DNAH3: variants seen among roughly 807,000 people sequenced by gnomAD.
DNAH3 encodes the protein axonemal beta dynein heavy chain 3.
In DNAH3, 332 loss-of-function variants were observed where a neutral mutation model predicts 432.5. That is an observed-to-expected ratio of 0.77 (90% CI 0.70 to 0.84). The LOEUF (loss-of-function observed/expected upper bound fraction) is 0.84, where lower values mean the gene tolerates loss of function less well. Among genes scored for constraint, DNAH3 ranks in the 40% least tolerant of loss-of-function variants. DNAH3 has a pLI of 0.00. For synonymous variants in DNAH3, 1,956 were observed against 1,900.2 expected, an observed-to-expected ratio of 1.03 and a Z score of -0.76; for missense variants, 4,861 against 5,114.0, an observed-to-expected ratio of 0.95 and a Z score of 1.51.
At chr16:21,082,641 C>CA (rs2091229171) in intron 19 of DNAH3, among the ~76,000 whole-genome samples, 1 of 152,080 alleles carries the variant, frequency 6.6e-6, no homozygotes, top group Admixed American at 6.6e-5. Context: ...ACCAGCCTGT[C>CA]AAACAGGTGA....
chr16:20,935,876 A>C (rs527927461), intron 60 of DNAH3, among the ~76,000 whole-genome samples: 16 of 151,202 alleles, frequency 1.1e-4, no homozygotes, highest in Non-Finnish European at 2.2e-4. Flanking sequence ...GTGCAAGCTG[A>C]TATCAGGGAT....
At chr16:20,981,021 C>A (rs183608894) in intron 49 of DNAH3, among the ~76,000 whole-genome samples, 2 of 152,254 alleles carry the variant, frequency 1.3e-5, no homozygotes, top group East Asian at 3.9e-4. Context: ...TTCAACTAGG[C>A]CCATGAACCA....
At chr16:21,116,889 G>A (rs2092215935) in intron 12 of DNAH3, among the ~76,000 whole-genome samples, 1 of 152,198 alleles carries the variant, frequency 6.6e-6, no homozygotes, top group South Asian at 2.1e-4. Context: ...TACGCATTAT[G>A]TTACTTTTAT....
chr16:21,115,808 G>C (rs937980495), intron 12 of DNAH3, among the ~76,000 whole-genome samples: 3 of 151,928 alleles, frequency 2.0e-5, no homozygotes, highest in African/African-American at 7.3e-5. Flanking sequence ...AAGAGTCCAT[G>C]AATAGGGAAA....
At chr16:20,970,277 C>A (rs1471400120) in intron 51 of DNAH3, among the ~76,000 whole-genome samples, 1 of 152,226 alleles carries the variant, frequency 6.6e-6, no homozygotes, top group Non-Finnish European at 1.5e-5. Flanking sequence ...GTAATCCCAG[C>A]ACTTTGGGAG....
intron 18 of DNAH3, among the ~76,000 whole-genome samples, chr16:21,088,780 C>A (rs2091452533): frequency 6.6e-6 from 1 of 152,134 alleles, no homozygotes; most frequent in African/African-American, 2.4e-5. Flanking sequence ...TTAATAAATT[C>A]TAGGGTCCTG....
chr16:21,013,933 T>C (rs2087738880), intron 41 of DNAH3, among the ~76,000 whole-genome samples: 1 of 152,120 alleles, frequency 6.6e-6, no homozygotes. Flanking sequence ...AGAAATTTAA[T>C]CAACAATTAA....
intron 12 of DNAH3, among the ~76,000 whole-genome samples, chr16:21,112,299 A>T (rs1011322162): frequency 1.3e-5 from 2 of 152,208 alleles, no homozygotes; most frequent in African/African-American, 4.8e-5. Context: ...ACTTCCTAGC[A>T]GTGTAAACTT....
chr16:21,078,275 CAAAAAA>C (rs1202846920), intron 20 of DNAH3, among the ~76,000 whole-genome samples: 30 of 83,846 alleles, frequency 3.6e-4, no homozygotes, highest in African/African-American at 1.1e-3. Flanking sequence ...AATTCCGTCT[CAAAAAA>C]AAAAAAAAAA....
intron 6 of DNAH3, among the ~76,000 whole-genome samples, chr16:21,134,845 C>A (rs938163594): frequency 2.6e-5 from 4 of 152,106 alleles, no homozygotes; most frequent in African/African-American, 7.2e-5. Flanking sequence ...TGCCACCACA[C>A]CTGCCTAATT....
At chr16:20,987,140 A>G (rs1003091030) in intron 47 of DNAH3, among the ~76,000 whole-genome samples, 165 bp downstream of exon 47, 1 of 152,234 alleles carries the variant, frequency 6.6e-6, no homozygotes, top group African/African-American at 2.4e-5. Context: ...TGGACCAAGT[A>G]AAATATCACC....
chr16:21,088,694 A>G (rs1216650225), intron 18 of DNAH3, among the ~76,000 whole-genome samples: 1 of 152,212 alleles, frequency 6.6e-6, no homozygotes, highest in Admixed American at 6.5e-5. Flanking sequence ...AGGATGAGAC[A>G]GCAGGTGGAA....
At chr16:21,066,802 T>C (rs1320040494) in intron 24 of DNAH3, among the ~76,000 whole-genome samples, 1 of 152,230 alleles carries the variant, frequency 6.6e-6, no homozygotes, top group Non-Finnish European at 1.5e-5. Flanking sequence ...GACTGGTGTT[T>C]CTTAAACACA....
chr16:21,025,899 A>AT (rs1334712228), intron 38 of DNAH3, among the ~76,000 whole-genome samples: 1 of 151,562 alleles, frequency 6.6e-6, no homozygotes, highest in East Asian at 1.9e-4. Context: ...ATGCTTGGCT[A>AT]TTTTTTTGTA....
chr16:21,031,216 C>A, exon 37 of DNAH3: 3 of 1,614,138 alleles, frequency 1.9e-6, no homozygotes, highest in Non-Finnish European at 2.5e-6. Flanking sequence ...AGCACCCATA[C>A]AGCTGCCCCA....
At chr16:21,139,185 A>G (rs183650649) in intron 5 of DNAH3, among the ~76,000 whole-genome samples, 1 of 152,292 alleles carries the variant, frequency 6.6e-6, no homozygotes, top group African/African-American at 2.4e-5. Context: ...ACCTAAGAAA[A>G]TAATAAGGAA....
At chr16:21,106,024 A>G (rs138445729) in intron 15 of DNAH3, among the ~76,000 whole-genome samples, 1 of 151,830 alleles carries the variant, frequency 6.6e-6, no homozygotes, top group Non-Finnish European at 1.5e-5. Flanking sequence ...TACTAAAAAT[A>G]CAAAAATTAG....
chr16:21,038,591 T>C (rs1209905407), intron 33 of DNAH3, among the ~76,000 whole-genome samples: 1 of 152,182 alleles, frequency 6.6e-6, no homozygotes, highest in Non-Finnish European at 1.5e-5. Context: ...TGGTAAGCCA[T>C]TGAGATTCAG....
chr16:21,001,605 G>A (rs2087022558), intron 42 of DNAH3, among the ~76,000 whole-genome samples: 1 of 152,188 alleles, frequency 6.6e-6, no homozygotes, highest in Admixed American at 6.5e-5. Context: ...GGGAATTAAA[G>A]TTGAGAAGAA....
Sources: gnomAD v4.1 joint callset for allele counts (sites outside exome capture counted in the v4.1 genomes callset) on GRCh38, gnomAD v4.1.1 for gene constraint, MANE v1.5 for transcripts, NCBI Gene and HGNC (gene_info 2026-07-23, HGNC 2026-07-21) for gene names.